Variants in PIF1 observed in about 807,000 individuals in gnomAD.
The protein encoded by PIF1 is ATP-dependent DNA helicase PIF1.
PIF1 carries 67 observed loss-of-function variants against 62.3 expected under a neutral mutation model. The observed-to-expected ratio is 1.08, with a 90% CI of 0.88 to 1.32. The LOEUF (loss-of-function observed/expected upper bound fraction) is 1.32. Among genes scored for constraint, PIF1 ranks in the 40% most tolerant of loss-of-function variants. The pLI, the probability that PIF1 is intolerant of heterozygous loss-of-function variation, is 0.00. For missense variants in PIF1, 886 were observed against 866.1 expected (o/e 1.02, Z -0.29); for synonymous variants, 364 against 379.5 (o/e 0.96, Z 0.47).
Position 64,824,177 on chromosome 15 carries a change from C to T in PIF1, c.159G>A (p.Leu53=). Residue 53 remains leucine, a synonymous_variant, in exon 2 of 13, where the codon TTG becomes TTA. Transcript: ENST00000559239. ...LSLGRNERRE[L]MLRLQAPGPA... ...GCCCTGGCGCTTGCAGCCGCAGCATCAACTCGCGGCGCTCGTTGCGACCCA... is the reference window on the plus strand; with the variant it reads ...GCCCTGGCGCTTGCAGCCGCAGCATTAACTCGCGGCGCTCGTTGCGACCCA... 4 of 1,334,942 alleles carry T rather than the reference C, an allele frequency of 3.0e-6. No individual in the cohort carries two copies. Among genetic ancestry groups the T allele is most frequent in the Non-Finnish European group, 3.8e-6 (4 of 1,039,766 alleles). The allele number at this position is 1,334,942 out of a possible 1,614,324, so 82.7% of individuals were successfully genotyped here. A position where few individuals can be genotyped will look rare whatever the true frequency, so the allele number is the denominator to read the frequency against.
chr15:64,823,946 G>C lies in PIF1; in HGVS notation c.390C>G (p.Pro130=), dbSNP rs1595818429. The C allele has an allele frequency of 7.6e-7, 1 of 1,309,524 alleles. No homozygotes were observed. The highest frequency in any genetic ancestry group is 9.7e-7 in the Non-Finnish European group (1 of 1,026,006). 81.1% of individuals were successfully genotyped at this position (1,309,524 alleles called of 1,614,324 possible). Residue 130 remains proline (P), a synonymous_variant, in exon 2 of 13, where the codon CCC becomes CCG. Coordinates refer to ENST00000559239, the MANE Select transcript of PIF1 (RefSeq NM_001286496.2). ...LRLKLAAAPG[P]GPASARAQLL... ...GCTGCGCTCGGGCGGAGGCCGGCCC[G>C]GGACCCGGGGCCGCAGCCAGCTTGA... is the stretch of plus-strand genomic sequence containing the variant.
chr15:64,820,010 C>T (rs200950310), intron 7 of PIF1, 24 bp from the exon 8 acceptor site: 2 of 1,607,666 alleles, frequency 1.2e-6, no homozygotes, highest in Middle Eastern at 1.7e-4. Flanking sequence ...ACTGTCAGGG[C>T]AGAGCCCACC....
At chr15:64,824,836 A>C (rs1392747836) in intron 1 of PIF1, among the ~76,000 whole-genome samples, 10 of 150,324 alleles carry the variant, frequency 6.7e-5, no homozygotes, top group Non-Finnish European at 1.2e-4. Flanking sequence ...ATACATACAT[A>C]TAAATACATA....
chr15:64,823,823 C>A lies in PIF1; in HGVS notation c.513G>T (p.Leu171=). 7.3e-7 allele frequency: 1 copy of A among 1,361,722 alleles called. No individual in the cohort carries two copies. The highest frequency in any genetic ancestry group is 9.6e-7 in the Non-Finnish European group (1 of 1,046,858). The allele number at this position is 1,361,722 out of a possible 1,614,324, so 84.4% of individuals were successfully genotyped here. ...CCTGGGGCTCCACAGGCCGCTTCAC[C>A]AGCGTAGTGTCCGGAACCCGGGTGG... ...RAATRVPDTT[L]VKRPVEPQAG... is the part of the protein sequence containing the mutation. Residue 171 remains leucine (L), a synonymous_variant, in exon 2 of 13, where the codon CTG becomes CTT. Transcript: ENST00000559239.
chr15:64,820,896 C>A, intron 7 of PIF1, 86 bp downstream of exon 7: 4 of 1,219,878 alleles, frequency 3.3e-6, no homozygotes, highest in Non-Finnish European at 3.6e-6. Context: ...CAATTCTACC[C>A]CTTCTGTGAG....
rs780431783 is a variant in PIF1 at position 64,821,534 on chromosome 15, T to C, written c.818-14A>G. On this transcript the variant is annotated splice_polypyrimidine_tract_variant and intron_variant, in intron 4 of 12. Coordinates refer to ENST00000559239, the MANE Select transcript of PIF1 (RefSeq NM_001286496.2). ...CTGAGCCGATGCCTGTGAGTGACAC[T>C]ATTCAGCCTGGGCTAATACCCAAAG... The C allele has an allele frequency of 5.1e-6, 8 of 1,567,132 alleles. No individual in the cohort carries two copies. In the Admixed American group the frequency reaches 1.6e-4, roughly 32 times the overall value.
chr15:64,823,864 G>T lies in PIF1; in HGVS notation c.472C>A (p.Arg158=). The T allele has an allele frequency of 7.2e-7, 1 of 1,388,494 alleles. No homozygotes were observed. The highest frequency in any genetic ancestry group is 9.4e-7 in the Non-Finnish European group (1 of 1,060,234). The allele number at this position is 1,388,494 out of a possible 1,614,324, so 86.0% of individuals were successfully genotyped here. Residue 158 remains arginine (R), a synonymous_variant, in exon 2 of 13, where the codon CGG becomes AGG. Transcript: ENST00000559239. ...ACCCGGGTGGCCGCCCTGAGCCGCC[G>T]CTCCTCGGGCTGCACAGGGCTGATG... is the stretch of plus-strand genomic sequence containing the variant. ...VTISPVQPEE[R]RLRAATRVPD... is the part of the protein sequence containing the mutation.
rs1214413248 is a variant in PIF1 at position 64,819,200 on chromosome 15, T to C, written c.1357A>G (p.Met453Val). The C allele has an allele frequency of 1.2e-6, 2 of 1,605,162 alleles. No individual in the cohort carries two copies. Among genetic ancestry groups the C allele is most frequent in the South Asian group, 1.1e-5 (1 of 89,008 alleles). Reference sequence around the variant, plus strand: ...CTGGCCAGCTCAGGGTTGCTGTCCATAGCCTCAAATCTGTGTACCTTACCT... The same window carrying C: ...CTGGCCAGCTCAGGGTTGCTGTCCACAGCCTCAAATCTGTGTACCTTACCT... ...LPGKVHRFEA[M>V]DSNPELASTL... is the part of the protein sequence containing the mutation. Residue 453 changes from methionine (M) to valine (V), a missense_variant, in exon 9 of 13, where the codon ATG becomes GTG. By Grantham distance (21) the Met-to-Val change is conservative. Transcript: ENST00000559239.
chr15:64,817,935 C>T lies in PIF1; in HGVS notation c.1674+11G>A. On this transcript the variant is annotated intron_variant, in intron 11 of 12. Transcript: ENST00000559239. The stretch of plus-strand genomic sequence containing the variant: ...GCCCTCCCTGTCCCTGCCCCCCACA[C>T]CGGTGCTCACTTGGCTCTTGTGGAT... 6.2e-7 allele frequency: 1 copy of T among 1,606,740 alleles called. No individual in the cohort carries two copies. The highest frequency in any genetic ancestry group is 8.5e-7 in the Non-Finnish European group (1 of 1,176,552).
At position 64,819,858 on chromosome 15, in the gene PIF1, T is replaced by C; in HGVS notation, c.1322A>G (p.Gln441Arg). ...GGCTCCCTGCTCACCTGGCAGCTCC[T>C]GAAGCCGCCTCTCGTTGGTGAGGGC... ...DVALTNERRL[Q>R]ELPGKVHRFE... Residue 441 changes from glutamine to arginine, a missense_variant, in exon 8 of 13, where the codon CAG becomes CGG. Physicochemically the swap from Gln to Arg is conservative, Grantham distance 43. Transcript: ENST00000559239. 1 of 1,613,384 alleles carries C rather than the reference T, an allele frequency of 6.2e-7. No individual in the cohort carries two copies. Among genetic ancestry groups the C allele is most frequent in the Non-Finnish European group, 8.5e-7 (1 of 1,180,012 alleles).
intron 9 of PIF1, 192 bp downstream of exon 9, chr15:64,818,925 T>C: frequency 2.1e-6 from 1 of 476,976 alleles, no homozygotes; most frequent in Non-Finnish European, 3.7e-6. Context: ...GAGGACCTCC[T>C]GGTGTAGGAA....
upstream of PIF1, among the ~76,000 whole-genome samples, chr15:64,826,693 CAT>C (rs1359945778): frequency 5.2e-3 from 669 of 128,574 alleles, 4 homozygotes; most frequent in Non-Finnish European, 8.3e-3. Flanking sequence ...TATACACACA[CAT>C]ATATATACAC....
Position 64,816,683 on chromosome 15 carries a change from C to T in PIF1, c.1757G>A (p.Arg586His), listed in dbSNP as rs368506178. 27 of 1,613,654 alleles carry T rather than the reference C, an allele frequency of 1.7e-5. No individual in the cohort carries two copies. The East Asian group carries it at 1.8e-4, about 11-fold the overall frequency. Residue 586 changes from arginine (R) to histidine (H), a missense_variant, in exon 12 of 13, where the codon CGC becomes CAC. By Grantham distance (29) the Arg-to-His change is conservative. Transcript: ENST00000559239. Reference protein sequence around the residue: ...GQAYVALSRARSLQGLRVLDF... With the variant: ...GQAYVALSRAHSLQGLRVLDF... ...CAGCACACGTAGGCCCTGCAGGCTGCGGGCCCGAGAAAGGGCCACATAGGC... is the reference window on the plus strand; with the variant it reads ...CAGCACACGTAGGCCCTGCAGGCTGTGGGCCCGAGAAAGGGCCACATAGGC...
chr15:64,821,565 CTTTTTTTT>C (rs56305637), intron 4 of PIF1, 45 bp from the exon 5 acceptor site: 3,110 of 1,243,064 alleles, frequency 2.5e-3, no homozygotes, highest in Non-Finnish European at 2.6e-3. Context: ...CAAAGCCTCT[CTTTTTTTT>C]TTTTTTTTTT....
At position 64,825,153 on chromosome 15, in the gene PIF1, G is replaced by A. The variant is rs1355537639; in HGVS notation, c.-20+416C>T. ...CGCAGAAAGAATCCTCCTTCCCCGA[G>A]ACCCAGGGCGAGCACATGAATCCTC... is the stretch of plus-strand genomic sequence containing the variant. On this transcript the variant is annotated intron_variant, in intron 1 of 12. Transcript: ENST00000559239. Among the ~76,000 whole-genome samples the A allele has an allele frequency of 3.3e-5, 5 of 151,938 alleles. No individual in the cohort carries two copies. The East Asian group carries it at 9.6e-4, about 29-fold the overall frequency.
intron 9 of PIF1, 93 bp downstream of exon 9, chr15:64,819,024 G>T: frequency 2.3e-6 from 2 of 883,466 alleles, no homozygotes; most frequent in Non-Finnish European, 3.3e-6. Flanking sequence ...GGGCCCACTG[G>T]CTGCAGAGTG....
rs1194150578 is a variant in PIF1, at chr15:64,818,066, A to C, written c.1554T>G (p.Cys518Trp). ...CAGCGTGGATGACCTCAGTGACTCCACACAGGAACCGCACCTGGGGTAGCC... is the reference window on the plus strand; with the variant it reads ...CAGCGTGGATGACCTCAGTGACTCCCCACAGGAACCGCACCTGGGGTAGCC... ...GRGLPQVRFL[C>W]GVTEVIHADR... is the part of the protein sequence containing the mutation. The change falls in exon 11 of 13, where the codon TGT becomes TGG. Residue 518 changes from cysteine to tryptophan, a missense_variant. By Grantham distance (215) the Cys-to-Trp change is radical. Coordinates refer to ENST00000559239, the MANE Select transcript of PIF1 (RefSeq NM_001286496.2). The C allele has an allele frequency of 6.2e-7, 1 of 1,613,912 alleles. No homozygotes were observed. The highest frequency in any genetic ancestry group is 8.5e-7 in the Non-Finnish European group (1 of 1,179,990).
chr15:64,824,568 C>T (rs2084340505), intron 1 of PIF1, among the ~76,000 whole-genome samples: 1 of 152,108 alleles, frequency 6.6e-6, no homozygotes, highest in Non-Finnish European at 1.5e-5. Flanking sequence ...TGCCCTGGGC[C>T]GGGCGCAGTG....
At chr15:64,817,370 C>T (rs970919019) in intron 11 of PIF1, among the ~76,000 whole-genome samples, 1 of 151,958 alleles carries the variant, frequency 6.6e-6, no homozygotes, top group Non-Finnish European at 1.5e-5. Flanking sequence ...CATGGCAAAA[C>T]CCCATCTCTA....
Sources: allele counts gnomAD v4.1 joint callset (sites outside exome capture counted in the v4.1 genomes callset), GRCh38; gene constraint gnomAD v4.1.1; transcripts MANE v1.5; gene names NCBI Gene and HGNC (gene_info 2026-07-23, HGNC 2026-07-21).